Variants in CTNND2 observed in about 807,000 individuals in gnomAD.
CTNND2 encodes the protein catenin delta 2, also known as catenin delta-2.
A neutral mutation model predicts 144.4 loss-of-function variants in CTNND2; 22 were observed. The observed-to-expected ratio is 0.15, with a 90% confidence interval of 0.11 to 0.22. The LOEUF (loss-of-function observed/expected upper bound fraction) is 0.22, where lower values mean the gene tolerates loss of function less well. CTNND2 is among the 10% of genes least tolerant of loss of function. CTNND2 has a pLI of 1.00. For missense variants in CTNND2, 1,353 were observed against 1,618.8 expected (o/e 0.84, Z 2.82); for synonymous variants, 751 against 695.6 (o/e 1.08, Z -1.25).
At chr5:11,122,737 GT>G (rs746107199) in intron 12 of CTNND2, among the ~76,000 whole-genome samples, 3 of 152,004 alleles carry the variant, frequency 2.0e-5, no homozygotes, top group Non-Finnish European at 2.9e-5. Context: ...GAGGAGTGGG[GT>G]GGGCTGTCTG....
intron 15 of CTNND2, among the ~76,000 whole-genome samples, chr5:11,083,710 T>C (rs1749839869): frequency 6.6e-6 from 1 of 152,226 alleles, no homozygotes; most frequent in South Asian, 2.1e-4. Flanking sequence ...TGTAAGGGTT[T>C]TACCTGTTGC....
chr5:11,270,036 T>G (rs561622800), intron 9 of CTNND2, among the ~76,000 whole-genome samples: 1 of 152,218 alleles, frequency 6.6e-6, no homozygotes, highest in Non-Finnish European at 1.5e-5. Context: ...AATTCTTAAC[T>G]TCAAATGGGA....
chr5:11,203,467 G>T (rs139523207), intron 10 of CTNND2, among the ~76,000 whole-genome samples: 1 of 152,162 alleles, frequency 6.6e-6, no homozygotes, highest in African/African-American at 2.4e-5. Context: ...TTTTTAGACA[G>T]AGTTGCGCTC....
chr5:11,108,071 T>G (rs1290900497), intron 14 of CTNND2, among the ~76,000 whole-genome samples: 1 of 152,162 alleles, frequency 6.6e-6, no homozygotes, highest in Admixed American at 6.5e-5. Flanking sequence ...AGCAGAGAAG[T>G]TTAAATAAAA....
intron 3 of CTNND2, among the ~76,000 whole-genome samples, chr5:11,549,680 T>C (rs1216280781): frequency 1.3e-5 from 2 of 152,176 alleles, no homozygotes; most frequent in African/African-American, 2.4e-5. Flanking sequence ...ATGAAGCTTA[T>C]TGGTAGTAGA....
At chr5:11,275,129 C>A (rs1580770694) in intron 9 of CTNND2, among the ~76,000 whole-genome samples, 1 of 152,112 alleles carries the variant, frequency 6.6e-6, no homozygotes, top group Non-Finnish European at 1.5e-5. Flanking sequence ...GTGCCAGGCA[C>A]CATTACAAGC....
intron 2 of CTNND2, among the ~76,000 whole-genome samples, chr5:11,631,822 G>A (rs576813602): frequency 3.3e-5 from 5 of 152,272 alleles, no homozygotes; most frequent in African/African-American, 1.2e-4. Flanking sequence ...ATGCTGGGAG[G>A]AGGAAGTTTA....
At chr5:11,296,696 G>T (rs1343110683) in intron 9 of CTNND2, among the ~76,000 whole-genome samples, 1 of 152,124 alleles carries the variant, frequency 6.6e-6, no homozygotes, top group East Asian at 1.9e-4. Flanking sequence ...ACAAGGATGA[G>T]GCTGGAAACC....
chr5:11,144,413 C>T (rs1314800158), intron 12 of CTNND2, among the ~76,000 whole-genome samples: 1 of 152,118 alleles, frequency 6.6e-6, no homozygotes, highest in Non-Finnish European at 1.5e-5. Flanking sequence ...CTTGAGCTCC[C>T]ACTGCCTCCG....
chr5:11,180,273 G>A (rs539778465), intron 11 of CTNND2, among the ~76,000 whole-genome samples: 18 of 152,232 alleles, frequency 1.2e-4, no homozygotes, highest in Non-Finnish European at 2.2e-4. Flanking sequence ...CTTCCGCTAC[G>A]ATTGTAAGTT....
intron 9 of CTNND2, among the ~76,000 whole-genome samples, chr5:11,294,129 T>C (rs1748642706): frequency 6.9e-6 from 1 of 145,436 alleles, no homozygotes; most frequent in African/African-American, 2.6e-5. Context: ...TGAGCATGAA[T>C]CCAGCCAGTG....
chr5:11,317,987 C>A (rs1751677448), intron 9 of CTNND2, among the ~76,000 whole-genome samples: 1 of 152,078 alleles, frequency 6.6e-6, no homozygotes. Flanking sequence ...AGCAGAGTTC[C>A]AGAGTTAGGT....
chr5:11,252,823 T>C (rs406555), intron 9 of CTNND2, among the ~76,000 whole-genome samples: 71,668 of 152,018 alleles, frequency 0.47, 17,167 homozygotes, highest in African/African-American at 0.51. Context: ...GAATGTGTAC[T>C]CCTCAGTAAT....
At chr5:11,674,011 G>A (rs1784040503) in intron 2 of CTNND2, among the ~76,000 whole-genome samples, 1 of 152,120 alleles carries the variant, frequency 6.6e-6, no homozygotes, top group Non-Finnish European at 1.5e-5. Context: ...TATTCACAGA[G>A]GTTTGGGAAA....
At chr5:11,400,223 T>C (rs866285592) in intron 5 of CTNND2, among the ~76,000 whole-genome samples, 3 of 152,136 alleles carry the variant, frequency 2.0e-5, no homozygotes, top group Middle Eastern at 3.4e-3. Flanking sequence ...ACCTGAAGGA[T>C]GTGGGTGATA....
chr5:11,665,973 G>T (rs577867747), intron 2 of CTNND2, among the ~76,000 whole-genome samples: 3 of 152,244 alleles, frequency 2.0e-5, no homozygotes, highest in African/African-American at 7.2e-5. Flanking sequence ...TATGAGCAAA[G>T]AAATACACTT....
intron 1 of CTNND2, among the ~76,000 whole-genome samples, chr5:11,890,073 T>C (rs1385853874): frequency 6.6e-6 from 1 of 152,196 alleles, no homozygotes; most frequent in Non-Finnish European, 1.5e-5. Flanking sequence ...CCATTATTCA[T>C]CTATACTTTC....
chr5:11,352,062 C>G (rs539355429), intron 8 of CTNND2, among the ~76,000 whole-genome samples: 44 of 152,258 alleles, frequency 2.9e-4, no homozygotes, highest in African/African-American at 9.9e-4. Flanking sequence ...GTTGATCCAT[C>G]TAAATTCAAT....
intron 3 of CTNND2, among the ~76,000 whole-genome samples, chr5:11,492,300 C>T (rs1303073777): frequency 6.6e-6 from 1 of 152,104 alleles, no homozygotes; most frequent in Non-Finnish European, 1.5e-5. Flanking sequence ...GGTGTTCTCG[C>T]CTTTACAAGA....
Sources: gnomAD v4.1 joint callset for allele counts (sites outside exome capture counted in the v4.1 genomes callset) on GRCh38, gnomAD v4.1.1 for gene constraint, MANE v1.5 for transcripts, NCBI Gene and HGNC (gene_info 2026-07-23, HGNC 2026-07-21) for gene names.